The following SORBS2 variants were observed in gnomAD, a reference collection of about 807,000 sequenced individuals.
SORBS2 encodes the protein sorbin and SH3 domain containing 2, also known as sorbin and SH3 domain-containing protein 2.
A neutral mutation model predicts 97.7 loss-of-function variants in SORBS2; 46 were observed. That is an observed-to-expected ratio of 0.47 (90% confidence interval 0.37 to 0.60). The LOEUF is 0.60. Among genes scored for constraint, SORBS2 ranks in the 20% least tolerant of loss-of-function variants. The pLI is 0.00. For synonymous variants in SORBS2, 476 were observed against 473.4 expected, an observed-to-expected ratio of 1.01 and a Z score of -0.07; for missense variants, 1,316 against 1,282.3, an observed-to-expected ratio of 1.03 and a Z score of -0.40.
At chr4:185,927,267 CTTTT>C (rs200964103) in intron 1 of SORBS2, among the ~76,000 whole-genome samples, 1 of 150,596 alleles carries the variant, frequency 6.6e-6, no homozygotes, top group African/African-American at 2.4e-5. Context: ...GCACTCAGTC[CTTTT>C]TTTTATTTTT....
chr4:185,935,954 T>A (rs564687782), intron 1 of SORBS2, among the ~76,000 whole-genome samples: 12 of 152,286 alleles, frequency 7.9e-5, no homozygotes, highest in African/African-American at 2.9e-4. Context: ...CAGGCTCAAG[T>A]GATTCTCCTG....
intron 4 of SORBS2, among the ~76,000 whole-genome samples, chr4:185,671,190 G>C (rs4596282): frequency 0.8 from 121,414 of 152,100 alleles, 48,669 homozygotes; most frequent in East Asian, 0.93. Context: ...CCACCCAAGA[G>C]CTGGGTGACA....
At chr4:185,624,426 C>T in exon 7 of SORBS2, 1 of 1,614,072 alleles carries the variant, frequency 6.2e-7, no homozygotes. Flanking sequence ...TAATCTAACT[C>T]ACTGGAGGGG....
intron 1 of SORBS2, among the ~76,000 whole-genome samples, chr4:185,932,560 G>C (rs1014030363): frequency 6.6e-6 from 1 of 152,048 alleles, no homozygotes; most frequent in Non-Finnish European, 1.5e-5. Flanking sequence ...TAAGCCTACC[G>C]CACGGCATTT....
At chr4:185,949,298 C>A (rs2099276045) in intron 1 of SORBS2, among the ~76,000 whole-genome samples, 1 of 152,086 alleles carries the variant, frequency 6.6e-6, no homozygotes, top group African/African-American at 2.4e-5. Context: ...GGTGGTACAC[C>A]CAGTATTGAA....
chr4:185,696,546 C>T (rs953911067), intron 2 of SORBS2, among the ~76,000 whole-genome samples: 13 of 152,106 alleles, frequency 8.5e-5, no homozygotes, highest in African/African-American at 2.4e-4. Flanking sequence ...CTCTGCCTCC[C>T]GGGGTCAAGT....
chr4:185,623,476 G>GTGGTGGTGA lies in SORBS2; in HGVS notation c.1644_1652dup (p.His552_His554dup), dbSNP rs2096753560. On this transcript the variant is annotated inframe_insertion, in exon 7 of 15. Coordinates refer to ENST00000418609, the Ensembl canonical transcript of SORBS2. The surrounding 1 kb of genome is among the most constrained non-coding windows in gnomAD (Gnocchi z 6.4). ...AGCTGATGAGGTGGCGGTGGTGGTG[G>GTGGTGGTGA]TGGTGGTGATGGTGGTGGTGGTGGC... 1 of 1,613,010 alleles carries GTGGTGGTGA rather than the reference G, an allele frequency of 6.2e-7. No homozygotes were observed. Among genetic ancestry groups the GTGGTGGTGA allele is most frequent in the Non-Finnish European group, 8.5e-7 (1 of 1,179,998 alleles).
In SORBS2 at chr4:185,832,563, A is replaced by G. The variant is rs184993949; in HGVS notation, c.-337-57197T>C. On this transcript the variant is annotated intron_variant, in intron 1 of 20. Coordinates refer to the SORBS2 transcript ENST00000284776. ...CAATTTGTTTTGGTTATTATAGGTTAAAGCAGAATCCAGTGATAGCTGATG... is the reference window on the plus strand; with the variant it reads ...CAATTTGTTTTGGTTATTATAGGTTGAAGCAGAATCCAGTGATAGCTGATG... Among the ~76,000 whole-genome samples the G allele has an allele frequency of 4.3e-3, 655 of 152,342 alleles. 7 individuals are homozygous for G. Among genetic ancestry groups the G allele is most frequent in the Non-Finnish European group, 2.9e-3 (195 of 68,026 alleles).
chr4:185,753,594 T>C (rs2098813682), intron 2 of SORBS2, among the ~76,000 whole-genome samples: 1 of 152,128 alleles, frequency 6.6e-6, no homozygotes, highest in African/African-American at 2.4e-5. Flanking sequence ...GTTTTGGGAG[T>C]TAAAAGAATC....
intron 12 of SORBS2, among the ~76,000 whole-genome samples, chr4:185,597,769 C>G (rs1342935814): frequency 1.3e-5 from 2 of 152,202 alleles, no homozygotes; most frequent in African/African-American, 2.4e-5. Context: ...TGCAGCTGCA[C>G]TCTGTCGCCA....
chr4:185,648,186 C>A (rs945041488), intron 3 of SORBS2, among the ~76,000 whole-genome samples: 1 of 151,938 alleles, frequency 6.6e-6, no homozygotes, highest in Admixed American at 6.5e-5. Flanking sequence ...AGTCTTGAAC[C>A]TCTGGCCTCA....
At chr4:185,806,509 G>GCGGAC (rs1561149822) in intron 1 of SORBS2, among the ~76,000 whole-genome samples, 38 of 131,108 alleles carry the variant, frequency 2.9e-4, no homozygotes, top group Admixed American at 9.3e-4. Context: ...CCAGGCTGGA[G>GCGGAC]TGCAGTGGCG....
chr4:185,906,368 T>G (rs958562539), intron 1 of SORBS2, among the ~76,000 whole-genome samples: 1 of 152,156 alleles, frequency 6.6e-6, no homozygotes, highest in Non-Finnish European at 1.5e-5. Flanking sequence ...GCTTTATGCA[T>G]CTCCAGATTT....
intron 1 of SORBS2, among the ~76,000 whole-genome samples, chr4:185,940,861 T>C (rs1338892537): frequency 6.6e-6 from 1 of 152,182 alleles, no homozygotes; most frequent in Non-Finnish European, 1.5e-5. Flanking sequence ...CACCCTTTAT[T>C]CTCTAACCCA....
intron 1 of SORBS2, among the ~76,000 whole-genome samples, chr4:185,908,060 C>G (rs1204450179): frequency 6.6e-6 from 1 of 151,848 alleles, no homozygotes; most frequent in African/African-American, 2.4e-5. Context: ...AGCTCCTCAC[C>G]ACTACCATGC....
At chr4:185,814,677 G>T (rs1449841496) in intron 1 of SORBS2, among the ~76,000 whole-genome samples, 2 of 152,148 alleles carry the variant, frequency 1.3e-5, no homozygotes, top group Non-Finnish European at 2.9e-5. Context: ...CCTCCAAAGA[G>T]AACTGGAAGT....
chr4:185,697,877 T>C (rs965214919), intron 2 of SORBS2, among the ~76,000 whole-genome samples: 2 of 152,222 alleles, frequency 1.3e-5, no homozygotes, highest in African/African-American at 4.8e-5. Context: ...TTGCTAAGTT[T>C]CTCACTGCTT....
At chr4:185,656,000 TCTGA>T (rs2097394931) in intron 1 of SORBS2, among the ~76,000 whole-genome samples, 2 of 152,242 alleles carry the variant, frequency 1.3e-5, no homozygotes, top group Non-Finnish European at 2.9e-5. Context: ...ACCATTTCTG[TCTGA>T]CTGTCTATCC....
chr4:185,740,135 A>G (rs2098713144), intron 2 of SORBS2: 1 of 152,652 alleles, frequency 6.6e-6, no homozygotes, highest in Admixed American at 6.5e-5. Context: ...CTGGTTGAGT[A>G]TCAGTGCTAT....
Sources: allele counts gnomAD v4.1 joint callset (sites outside exome capture counted in the v4.1 genomes callset), GRCh38; gene constraint gnomAD v4.1.1; non-coding constraint Gnocchi (gnomAD v3.1); transcripts MANE v1.5; gene names NCBI Gene and HGNC (gene_info 2026-07-23, HGNC 2026-07-21).